The following KLF15 variants were observed in gnomAD, a reference collection of about 807,000 sequenced individuals.
KLF15 encodes the protein Krueppel-like factor 15.
KLF15 carries 4 observed loss-of-function variants against 24.6 expected under a neutral mutation model. The ratio of observed to expected loss-of-function variants is 0.16; its 90% CI spans 0.08 to 0.37. The LOEUF is 0.37. Among genes scored for constraint, KLF15 ranks in the 10% least tolerant of loss-of-function variants. The probability of loss-of-function intolerance (pLI) is 1.00; values close to 1 mark genes in which losing one functional copy is unlikely to be tolerated. For synonymous variants in KLF15, 246 were observed against 236.3 expected (o/e 1.04, Z -0.37); for missense variants, 496 against 560.6 (o/e 0.88, Z 1.16).
chr3:126,308,285 G>C, the KLF15 span, among the ~76,000 whole-genome samples: 1 of 152,208 alleles, frequency 6.6e-6, no homozygotes, highest in African/African-American at 2.4e-5. Flanking sequence ...CAAGGAGCTG[G>C]AAAGCTGGCG....
At chr3:126,349,663 C>G (rs1227784983) in intron 2 of KLF15, among the ~76,000 whole-genome samples, 2 of 152,212 alleles carry the variant, frequency 1.3e-5, no homozygotes, top group East Asian at 3.9e-4. Flanking sequence ...CACACCTGCC[C>G]TCCCCATCAC....
chr3:126,308,490 G>A, the KLF15 span, among the ~76,000 whole-genome samples: 14 of 152,198 alleles, frequency 9.2e-5, no homozygotes, highest in African/African-American at 3.4e-4. Context: ...GCACGTCCCG[G>A]TGTCTGCCGC....
At chr3:126,310,164 G>C in the KLF15 span, among the ~76,000 whole-genome samples, 1 of 152,234 alleles carries the variant, frequency 6.6e-6, no homozygotes, top group Non-Finnish European at 1.5e-5. Flanking sequence ...CCCAGCAGGA[G>C]CCCTCCTGGC....
the KLF15 span, among the ~76,000 whole-genome samples, chr3:126,296,396 A>G: frequency 6.6e-6 from 1 of 152,172 alleles, no homozygotes; most frequent in Non-Finnish European, 1.5e-5. Flanking sequence ...TTTAATACAG[A>G]CGGGGTTTCA....
At chr3:126,322,396 C>T in the KLF15 span, among the ~76,000 whole-genome samples, 4 of 152,300 alleles carry the variant, frequency 2.6e-5, no homozygotes, top group East Asian at 7.7e-4. Flanking sequence ...GCTCCTTGCC[C>T]CCTCTTCCAT....
chr3:126,322,340 C>G, the KLF15 span, among the ~76,000 whole-genome samples: 1 of 152,152 alleles, frequency 6.6e-6, no homozygotes, highest in African/African-American at 2.4e-5. Context: ...AGGGAAACTC[C>G]GTCTCCTGTG....
Position 126,352,380 on chromosome 3 carries a change from G to A in KLF15, c.543C>T (p.His181=), listed in dbSNP as rs538422160. The A allele has an allele frequency of 1.2e-6, 2 of 1,611,972 alleles. No homozygotes were observed. The highest frequency in any genetic ancestry group is 3.3e-5 in the Admixed American group (2 of 59,808). The change falls in exon 2 of 3, where the codon CAC becomes CAT. Residue 181 remains histidine, a synonymous_variant. Transcript: ENST00000296233. The stretch of plus-strand genomic sequence containing the variant: ...CTCTCCCGCTGGACCCAGGATGGAG[G>A]TGGCTCTTGTGTGGCCCAGCTGAGA... ...SQLSAGPHKS[H]LHPGSSGRER...
chr3:126,317,840 G>A, the KLF15 span, among the ~76,000 whole-genome samples: 1 of 151,992 alleles, frequency 6.6e-6, no homozygotes, highest in Non-Finnish European at 1.5e-5. Flanking sequence ...AACTTGCCTG[G>A]GTGTCTCTCA....
the KLF15 span, among the ~76,000 whole-genome samples, chr3:126,290,331 G>A: frequency 6.6e-6 from 1 of 152,204 alleles, no homozygotes; most frequent in African/African-American, 2.4e-5. Flanking sequence ...GGCAAGCCCA[G>A]CTCCAGGGCT....
At chr3:126,308,118 G>T in the KLF15 span, among the ~76,000 whole-genome samples, 1 of 152,312 alleles carries the variant, frequency 6.6e-6, no homozygotes, top group East Asian at 1.9e-4. Context: ...TCTAAGCAGG[G>T]TATTGATCTC....
At chr3:126,335,934 C>G in the KLF15 span, among the ~76,000 whole-genome samples, 1 of 149,158 alleles carries the variant, frequency 6.7e-6, no homozygotes, top group African/African-American at 2.5e-5. Flanking sequence ...AGGATACAAA[C>G]AAATGAAAGA....
chr3:126,321,270 A>G, the KLF15 span, among the ~76,000 whole-genome samples: 1 of 152,146 alleles, frequency 6.6e-6, no homozygotes, highest in African/African-American at 2.4e-5. Context: ...TCGCCCCTGA[A>G]CTCTCAGAAT....
chr3:126,303,379 C>T, the KLF15 span, among the ~76,000 whole-genome samples: 4,680 of 151,866 alleles, frequency 0.031, 242 homozygotes, highest in African/African-American at 0.11. Context: ...TTTACTTTGC[C>T]TTTGTTTTTT....
chr3:126,316,514 G>A, the KLF15 span, among the ~76,000 whole-genome samples: 2 of 49,024 alleles, frequency 4.1e-5, no homozygotes, highest in Non-Finnish European at 7.9e-5. Context: ...GAGTGCATGA[G>A]CTGCAGTGGG....
chr3:126,334,315 A>G, the KLF15 span, among the ~76,000 whole-genome samples: 2 of 147,056 alleles, frequency 1.4e-5, no homozygotes, highest in African/African-American at 5.0e-5. Context: ...CCTGCTCCTG[A>G]ATGACTACTG....
At chr3:126,328,081 CT>C in the KLF15 span, among the ~76,000 whole-genome samples, 3 of 147,584 alleles carry the variant, frequency 2.0e-5, no homozygotes, top group African/African-American at 7.5e-5. Flanking sequence ...CCTTGCCCCC[CT>C]CTTACTCTTC....
the KLF15 span, among the ~76,000 whole-genome samples, chr3:126,322,786 G>T: frequency 6.6e-6 from 1 of 152,148 alleles, no homozygotes; most frequent in East Asian, 1.9e-4. Flanking sequence ...TGTTCTGGGA[G>T]CTAGGTTTGC....
At chr3:126,310,389 AAT>A in the KLF15 span, among the ~76,000 whole-genome samples, 1 of 152,206 alleles carries the variant, frequency 6.6e-6, no homozygotes, top group Non-Finnish European at 1.5e-5. Flanking sequence ...CTACCGAATG[AAT>A]GTGACCCCAG....
At chr3:126,329,395 A>T in the KLF15 span, among the ~76,000 whole-genome samples, 1 of 152,204 alleles carries the variant, frequency 6.6e-6, no homozygotes, top group East Asian at 1.9e-4. Flanking sequence ...GAGGTGTGGC[A>T]AATCGCTTGA....
Sources: gnomAD v4.1 joint callset for allele counts (sites outside exome capture counted in the v4.1 genomes callset) on GRCh38, gnomAD v4.1.1 for gene constraint, MANE v1.5 for transcripts, NCBI Gene and HGNC (gene_info 2026-07-23, HGNC 2026-07-21) for gene names.